Variants in GULP1 observed in about 807,000 individuals in gnomAD.
The protein encoded by GULP1 is GULP PTB domain containing engulfment adaptor 1, also known as PTB domain-containing engulfment adapter protein 1.
In GULP1, 19 loss-of-function variants were observed where a neutral mutation model predicts 40.9. The observed-to-expected ratio is 0.46, with a 90% CI of 0.32 to 0.68. The LOEUF is 0.68. Among genes scored for constraint, GULP1 ranks in the 30% least tolerant of loss-of-function variants. The probability of loss-of-function intolerance (pLI) is 0.03; values close to 1 mark genes in which losing one functional copy is unlikely to be tolerated. For missense variants in GULP1, 312 were observed against 362.2 expected (o/e 0.86, Z 1.12); for synonymous variants, 119 against 117.6 (o/e 1.01, Z -0.08).
At chr2:188,304,925 C>G (rs2036792970) in intron 1 of GULP1, among the ~76,000 whole-genome samples, 2 of 152,234 alleles carry the variant, frequency 1.3e-5, no homozygotes, top group South Asian at 4.1e-4. Flanking sequence ...CATCAATAAG[C>G]AGTGGACAGC....
At chr2:188,521,743 C>A (rs951787953) in intron 4 of GULP1, among the ~76,000 whole-genome samples, 1 of 152,142 alleles carries the variant, frequency 6.6e-6, no homozygotes, top group Admixed American at 6.5e-5. Context: ...AGGACACAGT[C>A]AAACCATATC....
intron 4 of GULP1, among the ~76,000 whole-genome samples, chr2:188,486,003 C>G (rs143744566): frequency 1.3e-5 from 2 of 152,114 alleles, no homozygotes; most frequent in Non-Finnish European, 2.9e-5. Flanking sequence ...GATTGAATAA[C>G]TGGGCACTAT....
At chr2:188,429,217 G>A (rs1376015963) in intron 2 of GULP1, among the ~76,000 whole-genome samples, 1 of 152,126 alleles carries the variant, frequency 6.6e-6, no homozygotes, top group African/African-American at 2.4e-5. Context: ...TTCAGTAGGA[G>A]TTGGGCTGGG....
At chr2:188,512,732 T>A (rs1054340764) in intron 4 of GULP1, among the ~76,000 whole-genome samples, 1 of 152,126 alleles carries the variant, frequency 6.6e-6, no homozygotes, top group Non-Finnish European at 1.5e-5. Context: ...TTGAATAATA[T>A]TTGATAACGA....
chr2:188,531,828 T>A (rs1350113181), intron 6 of GULP1, among the ~76,000 whole-genome samples: 1 of 152,150 alleles, frequency 6.6e-6, no homozygotes, highest in African/African-American at 2.4e-5. Flanking sequence ...CAAAGTGTAG[T>A]CTTATGTGTC....
chr2:188,444,816 T>G (rs1052712373), intron 2 of GULP1, among the ~76,000 whole-genome samples: 1 of 152,214 alleles, frequency 6.6e-6, no homozygotes, highest in African/African-American at 2.4e-5. Flanking sequence ...TCTGTGAAGC[T>G]TTAGACAGAG....
rs141085285 is a variant in GULP1 at position 188,429,088 on chromosome 2, A to G, written c.-45+45199A>G. On this transcript the variant is annotated intron_variant, in intron 2 of 11. Transcript: ENST00000409830. ...ACTAAATGAGTATTTATGGTTTTGT[A>G]TACAGGCCTGGTACTATATCACATG... Among the ~76,000 whole-genome samples, 288 of 152,282 alleles carry G rather than the reference A, an allele frequency of 1.9e-3. 2 individuals are homozygous for G. Among genetic ancestry groups the G allele is most frequent in the African/African-American group, 6.5e-3 (269 of 41,556 alleles).
At chr2:188,579,311 A>G (rs1430421163) in intron 9 of GULP1, among the ~76,000 whole-genome samples, 1 of 152,128 alleles carries the variant, frequency 6.6e-6, no homozygotes, top group Non-Finnish European at 1.5e-5. Context: ...ATGTGGGCCC[A>G]CTTTCTAGAT....
intron 2 of GULP1, among the ~76,000 whole-genome samples, chr2:188,467,317 A>G (rs1295995622): frequency 1.3e-5 from 2 of 152,074 alleles, no homozygotes; most frequent in Non-Finnish European, 2.9e-5. Context: ...TGCCTGTAAT[A>G]TTCTTAATTT....
At chr2:188,388,178 A>G (rs1418775850) in intron 2 of GULP1, among the ~76,000 whole-genome samples, 1 of 151,916 alleles carries the variant, frequency 6.6e-6, no homozygotes, top group Non-Finnish European at 1.5e-5. Flanking sequence ...GATGATTTCC[A>G]ATTTCATCCA....
chr2:188,324,687 G>T (rs1281847183), intron 1 of GULP1, among the ~76,000 whole-genome samples: 1 of 151,576 alleles, frequency 6.6e-6, no homozygotes, highest in Non-Finnish European at 1.5e-5. Context: ...TTATTTCAAG[G>T]GTTGAAATAT....
chr2:188,546,101 A>T (rs1281125545), intron 7 of GULP1, among the ~76,000 whole-genome samples: 2 of 152,000 alleles, frequency 1.3e-5, no homozygotes, highest in African/African-American at 4.8e-5. Flanking sequence ...GATAGAACTA[A>T]AAGAGTAAAT....
intron 2 of GULP1, among the ~76,000 whole-genome samples, chr2:188,399,690 G>GAA (rs55877284): frequency 0.11 from 6,999 of 64,590 alleles, 1,218 homozygotes; most frequent in Admixed American, 0.16. Flanking sequence ...GTCCCTACAA[G>GAA]AAAAAAAAAA....
intron 6 of GULP1, among the ~76,000 whole-genome samples, chr2:188,538,049 C>T (rs149617976): frequency 1.6e-4 from 25 of 152,084 alleles, no homozygotes; most frequent in African/African-American, 4.6e-4. Flanking sequence ...TGTTGTTTCT[C>T]ATTGTACTTT....
chr2:188,379,947 T>C (rs2048802172), intron 1 of GULP1, among the ~76,000 whole-genome samples: 2 of 152,170 alleles, frequency 1.3e-5, no homozygotes, highest in African/African-American at 4.8e-5. Flanking sequence ...AGGAAGACTT[T>C]TCTGCAGCAC....
At chr2:188,410,178 A>C (rs1176293170) in intron 2 of GULP1, among the ~76,000 whole-genome samples, 1 of 152,170 alleles carries the variant, frequency 6.6e-6, no homozygotes, top group African/African-American at 2.4e-5. Context: ...ATTTCATGTC[A>C]CATACAAAAA....
At chr2:188,532,458 A>ATG (rs141672974) in intron 6 of GULP1, among the ~76,000 whole-genome samples, 1 of 152,120 alleles carries the variant, frequency 6.6e-6, no homozygotes, top group Non-Finnish European at 1.5e-5. Context: ...TTTATAGGGT[A>ATG]TGTGTGTGTG....
At chr2:188,567,334 A>C (rs942869909) in intron 7 of GULP1, among the ~76,000 whole-genome samples, 1 of 152,206 alleles carries the variant, frequency 6.6e-6, no homozygotes, top group Admixed American at 6.5e-5. Context: ...ATGCACGCGT[A>C]TGTTTATTGC....
At chr2:188,495,036 C>A (rs2062769846) in intron 4 of GULP1, among the ~76,000 whole-genome samples, 1 of 151,990 alleles carries the variant, frequency 6.6e-6, no homozygotes, top group Non-Finnish European at 1.5e-5. Flanking sequence ...TTCTTCTAAT[C>A]CTATTTTGTA....
Sources: gnomAD v4.1 joint callset for allele counts (sites outside exome capture counted in the v4.1 genomes callset) on GRCh38, gnomAD v4.1.1 for gene constraint, MANE v1.5 for transcripts, NCBI Gene and HGNC (gene_info 2026-07-23, HGNC 2026-07-21) for gene names.